The following DUSP15 variants were observed in gnomAD, a reference collection of about 807,000 sequenced individuals.
The protein encoded by DUSP15 is dual specificity protein phosphatase 15.
A neutral mutation model predicts 26.3 loss-of-function variants in DUSP15; 23 were observed. That is an observed-to-expected ratio of 0.87 (90% CI 0.63 to 1.24). DUSP15 has a LOEUF of 1.24. Ranked by LOEUF, DUSP15 falls within the 50% of genes most tolerant of loss-of-function variation. The probability of loss-of-function intolerance (pLI) is 0.00; values close to 1 mark genes in which losing one functional copy is unlikely to be tolerated. For synonymous variants in DUSP15, 143 were observed against 135.5 expected, an observed-to-expected ratio of 1.06 and a Z score of -0.39; for missense variants, 364 against 320.6, an observed-to-expected ratio of 1.14 and a Z score of -1.03.
At position 31,863,834 on chromosome 20, in the gene DUSP15, G is replaced by T. The variant is rs553135362; in HGVS notation, c.263+73C>A. ...CCTCACAGGTCCAACCTTCCCACAG[G>T]GGGAGTGTGTGTTCAGCAGAGGGCA... On this transcript the variant is annotated intron_variant, in intron 5 of 6. Coordinates refer to ENST00000339738, the MANE Select transcript of DUSP15 (RefSeq NM_080611.5). 7.6e-5 allele frequency: 110 copies of T among 1,445,138 alleles called. No individual in the cohort carries two copies. In the African/African-American group the frequency reaches 1.3e-3, roughly 17 times the overall value. The allele number at this position is 1,445,138 out of a possible 1,614,324, so 89.5% of individuals were successfully genotyped here. A position where few individuals can be genotyped will look rare whatever the true frequency, so the allele number is the denominator to read the frequency against.
chr20:31,862,862 C>T, intron 5 of DUSP15, 120 bp from the exon 6 acceptor site: 2 of 1,047,746 alleles, frequency 1.9e-6, no homozygotes, highest in South Asian at 1.7e-5. Flanking sequence ...CATAAGGGAC[C>T]TGTCAGGACT....
chr20:31,856,559 G>A (rs2062566068), downstream of DUSP15, among the ~76,000 whole-genome samples: 1 of 152,202 alleles, frequency 6.6e-6, no homozygotes, highest in Admixed American at 6.5e-5. Context: ...AGAGCCAGCA[G>A]GCCTTGGTAA....
upstream of DUSP15, chr20:31,870,549 A>ACCG (rs748605559): frequency 6.9e-7 from 1 of 1,451,490 alleles, no homozygotes; most frequent in South Asian, 1.4e-5. The surrounding 1 kb of genome is among the most constrained non-coding windows in gnomAD (Gnocchi z 6.6). Flanking sequence ...CGCCGCTGCC[A>ACCG]CCGCCGCCGC....
intron 6 of DUSP15, 129 bp downstream of exon 6, chr20:31,862,442 A>T: frequency 9.0e-7 from 1 of 1,105,076 alleles, no homozygotes; most frequent in Non-Finnish European, 1.3e-6. Context: ...CTCAAAGGCC[A>T]TGAGTTTGAG....
intron 4 of DUSP15, chr20:31,864,331 C>G (rs910651022): frequency 9.4e-6 from 10 of 1,069,312 alleles, no homozygotes; most frequent in Non-Finnish European, 1.0e-5. Flanking sequence ...GGTCTGCAAT[C>G]AGAGCACCTG....
chr20:31,870,426 G>A lies in DUSP15; in HGVS notation c.-89C>T, dbSNP rs1035444625. The stretch of plus-strand genomic sequence containing the variant: ...GCTGCCCTGACGGCCCAGGCCCGAC[G>A]CCTGCAGCCTGGCGGGGAACGGGGG... On this transcript the variant is annotated 5_prime_UTR_variant, in exon 1 of 7. Coordinates refer to ENST00000339738, the MANE Select transcript of DUSP15 (RefSeq NM_080611.5). This position sits in a 1 kb window ranked among gnomAD's most constrained non-coding sequence, Gnocchi z 6.6. The A allele has an allele frequency of 2.8e-5, 36 of 1,289,322 alleles. No homozygotes were observed. Among genetic ancestry groups the A allele is most frequent in the Admixed American group, 7.0e-5 (2 of 28,384 alleles). The allele number at this position is 1,289,322 out of a possible 1,614,324, so 79.9% of individuals were successfully genotyped here.
chr20:31,867,631 G>GT (rs57662463), intron 2 of DUSP15, among the ~76,000 whole-genome samples: 2,969 of 77,538 alleles, frequency 0.038, 464 homozygotes, highest in East Asian at 0.069. Flanking sequence ...TGCCCACAAT[G>GT]TTTTTTTTTT....
At chr20:31,849,517 C>G (rs1054351742) in intron 8 of DUSP15, 10 of 803,218 alleles carry the variant, frequency 1.2e-5, no homozygotes, top group Non-Finnish European at 2.0e-5. Flanking sequence ...CCACTCTGTT[C>G]CACTCCTCCA....
At chr20:31,849,916 GC>G (rs2062439330) in intron 7 of DUSP15, 1 of 1,436,360 alleles carries the variant, frequency 7.0e-7, no homozygotes. Flanking sequence ...CGTGGGCGGC[GC>G]TAGCTCCCCT....
At chr20:31,850,234 G>A (rs1439223025) in intron 7 of DUSP15, among the ~76,000 whole-genome samples, 1 of 152,198 alleles carries the variant, frequency 6.6e-6, no homozygotes, top group Non-Finnish European at 1.5e-5. Context: ...ACCTAGCAGC[G>A]TCTCATGAGA....
At chr20:31,865,944 C>T (rs886266510) in intron 3 of DUSP15, among the ~76,000 whole-genome samples, 1 of 152,196 alleles carries the variant, frequency 6.6e-6, no homozygotes, top group Non-Finnish European at 1.5e-5. Context: ...CATGACTTGA[C>T]AACCTTCCCC....
chr20:31,870,401 G>T lies in DUSP15; in HGVS notation c.-64C>A. The T allele has an allele frequency of 7.8e-7, 1 of 1,289,468 alleles. No homozygotes were observed. The highest frequency in any genetic ancestry group is 9.8e-7 in the Non-Finnish European group (1 of 1,020,710). 79.9% of individuals were successfully genotyped at this position (1,289,468 alleles called of 1,614,324 possible). A position where few individuals can be genotyped will look rare whatever the true frequency, so the allele number is the denominator to read the frequency against. On this transcript the variant is annotated 5_prime_UTR_variant, in exon 1 of 7. It adds an upstream start codon to the 5' untranslated region. Coordinates refer to ENST00000339738, the MANE Select transcript of DUSP15 (RefSeq NM_080611.5). The surrounding 1 kb of genome is among the most constrained non-coding windows in gnomAD (Gnocchi z 6.6). ...CCGCCCGGGAAGCGATCCGGTCACA[G>T]CTGCCCTGACGGCCCAGGCCCGACG...
chr20:31,858,269 G>A (rs978329513), downstream of DUSP15, among the ~76,000 whole-genome samples: 5 of 152,174 alleles, frequency 3.3e-5, no homozygotes, highest in Non-Finnish European at 7.3e-5. This position sits in a 1 kb window ranked among gnomAD's most constrained non-coding sequence, Gnocchi z 4.4. Context: ...CTCTCAATCT[G>A]TGCCCCCCCA....
chr20:31,870,592 G>T, upstream of DUSP15: 1 of 1,408,820 alleles, frequency 7.1e-7, no homozygotes, highest in Non-Finnish European at 9.2e-7. This position sits in a 1 kb window ranked among gnomAD's most constrained non-coding sequence, Gnocchi z 6.6. Flanking sequence ...GGTCATGTGG[G>T]GCCCCCGCCT....
Position 31,861,110 on chromosome 20 carries a change from G to T in DUSP15, c.*293C>A. On this transcript the variant is annotated 3_prime_UTR_variant, in exon 7 of 7. Coordinates refer to ENST00000339738, the MANE Select transcript of DUSP15 (RefSeq NM_080611.5). ...TGTCTCTTTAATACCCTCCAGGCCC[G>T]TCAAACCCTCCACTCTCCCTCCCTC... 7.7e-7 allele frequency: 1 copy of T among 1,291,822 alleles called. No homozygotes were observed. The highest frequency in any genetic ancestry group is 9.8e-7 in the Non-Finnish European group (1 of 1,023,446). 80.0% of individuals were successfully genotyped at this position (1,291,822 alleles called of 1,614,324 possible).
At chr20:31,853,464 A>G (rs542603539) in intron 6 of DUSP15, among the ~76,000 whole-genome samples, 42 of 152,080 alleles carry the variant, frequency 2.8e-4, no homozygotes, top group Non-Finnish European at 4.7e-4. Flanking sequence ...AAAATCTTTT[A>G]GGGTCAGAGA....
At chr20:31,866,938 G>A (rs1600481153) in intron 3 of DUSP15, 133 bp downstream of exon 3, 1 of 850,450 alleles carries the variant, frequency 1.2e-6, no homozygotes, top group East Asian at 2.8e-5. Context: ...ATGTAAAATG[G>A]CCCAGTGGTG....
intron 6 of DUSP15, among the ~76,000 whole-genome samples, chr20:31,855,614 A>G (rs1275395822): frequency 6.6e-6 from 1 of 152,238 alleles, no homozygotes; most frequent in Non-Finnish European, 1.5e-5. Flanking sequence ...TGGGGAGGCC[A>G]GCCCCCAGAA....
intron 2 of DUSP15, 93 bp downstream of exon 2, chr20:31,869,471 T>C: frequency 6.6e-7 from 1 of 1,518,618 alleles, no homozygotes; most frequent in Non-Finnish European, 9.0e-7. Context: ...CCCAACCCCA[T>C]TCCTGAGATG....
Sources: gnomAD v4.1 joint callset for allele counts (sites outside exome capture counted in the v4.1 genomes callset) on GRCh38, gnomAD v4.1.1 for gene constraint, Gnocchi (gnomAD v3.1) non-coding constraint, MANE v1.5 for transcripts, NCBI Gene and HGNC (gene_info 2026-07-23, HGNC 2026-07-21) for gene names.